LPCAT2: variants seen among roughly 807,000 people sequenced by gnomAD.
LPCAT2 encodes lysophosphatidylcholine acyltransferase 2.
Under a neutral mutation model 64.7 loss-of-function variants are expected in LPCAT2, and 58 were observed. That is an observed-to-expected ratio of 0.90 (90% confidence interval 0.73 to 1.12). The LOEUF is 1.12. Ranked by LOEUF, LPCAT2 falls within the 50% of genes most tolerant of loss-of-function variation. The pLI is 0.00. For synonymous variants in LPCAT2, 252 were observed against 245.3 expected, an observed-to-expected ratio of 1.03 and a Z score of -0.26; for missense variants, 579 against 669.8, an observed-to-expected ratio of 0.86 and a Z score of 1.50.
chr16:55,539,247 C>T (rs200412113), intron 8 of LPCAT2: 7 of 136,188 alleles, frequency 5.1e-5, no homozygotes, highest in Admixed American at 1.5e-4. Context: ...TCATGGCTTT[C>T]TTTTTTTTTT....
Position 55,525,540 on chromosome 16 carries a change from T to C in LPCAT2, c.204T>C (p.Ile68=). The C allele has an allele frequency of 6.2e-7, 1 of 1,610,588 alleles. No individual in the cohort carries two copies. Among genetic ancestry groups the C allele is most frequent in the Non-Finnish European group, 8.5e-7 (1 of 1,178,182 alleles). Residue 68 remains isoleucine (I), a synonymous_variant, in exon 2 of 14, where the codon ATT becomes ATC. Coordinates refer to ENST00000262134, the MANE Select transcript of LPCAT2 (RefSeq NM_017839.5). Reference sequence around the variant, plus strand: ...TTCTTGGGATTATCTTGCTTCCAATTCGTGTCTTATTGGTTGCGTTAATTT... The same window carrying C: ...TTCTTGGGATTATCTTGCTTCCAATCCGTGTCTTATTGGTTGCGTTAATTT... The part of the protein sequence containing the change: ...IVLLGIILLP[I]RVLLVALILL...
rs549060425 is a variant in LPCAT2, at chr16:55,570,573, G to A, written c.1216-4058G>A. ...CGCTTGAGCCCGGGGGGTCCAGCCT[G>A]AGTGACATAGGGAGACCCTGTCTTG... is the stretch of plus-strand genomic sequence containing the variant. On this transcript the variant is annotated intron_variant, in intron 11 of 13. Coordinates refer to ENST00000262134, the MANE Select transcript of LPCAT2 (RefSeq NM_017839.5). 1.2e-3 allele frequency among the ~76,000 whole-genome samples: 178 copies of A among 152,224 alleles called. 1 individual carries two copies. Among genetic ancestry groups the A allele is most frequent in the Non-Finnish European group, 2.8e-4 (19 of 68,000 alleles).
Position 55,509,073 on chromosome 16 carries a change from GAGGCT to G in LPCAT2, c.-108_-104del. 1.0e-6 allele frequency: 1 copy of G among 997,130 alleles called. No individual in the cohort carries two copies. Among genetic ancestry groups the G allele is most frequent in the Non-Finnish European group, 1.3e-6 (1 of 762,658 alleles). The allele number at this position is 997,130 out of a possible 1,614,324, so 61.8% of individuals were successfully genotyped here. On this transcript the variant is annotated 5_prime_UTR_variant, in exon 1 of 14. Transcript: ENST00000262134. ...TCTAAGTAACTTCAGCGCCTGCGCAGAGGCTCCCCAGCGTCGCCCTAGGCTGGGAC... is the reference window on the plus strand; with the variant it reads ...TCTAAGTAACTTCAGCGCCTGCGCAGCCCCAGCGTCGCCCTAGGCTGGGAC...
rs931009223 is a variant in LPCAT2, at chr16:55,529,964, G to A, written c.642+17G>A. ...TGGCCCCAGGTAAAACATGGTAGAT[G>A]TTAATTTAAATATAGTGGGAGTTTA... On this transcript the variant is annotated intron_variant, in intron 4 of 13. Transcript: ENST00000262134. 5.8e-6 allele frequency: 9 copies of A among 1,563,828 alleles called. No homozygotes were observed. Among genetic ancestry groups the A allele is most frequent in the African/African-American group, 4.1e-5 (3 of 73,976 alleles).
chr16:55,516,030 A>G (rs1467459319), intron 1 of LPCAT2, among the ~76,000 whole-genome samples: 1 of 152,222 alleles, frequency 6.6e-6, no homozygotes, highest in Non-Finnish European at 1.5e-5. Context: ...AAACTGATAA[A>G]ACAATTAAAA....
In LPCAT2 at chr16:55,551,070, G is replaced by A; in HGVS notation, c.1183G>A (p.Val395Ile). 6.2e-7 allele frequency: 1 copy of A among 1,612,532 alleles called. No individual in the cohort carries two copies. The highest frequency in any genetic ancestry group is 1.7e-5 in the Admixed American group (1 of 59,880). Reference protein sequence around the residue: ...AKYLKLPVSDVLRQLFALFDR... With the variant: ...AKYLKLPVSDILRQLFALFDR... ...GTATTTAAAGTTGCCTGTTTCAGAT[G>A]TCTTGAGACAACTTTTTGCACTCTT... Residue 395 changes from valine (V) to isoleucine (I), a missense_variant, in exon 11 of 14, where the codon GTC becomes ATC. By Grantham distance (29) the Val-to-Ile change is conservative (BLOSUM62 3). Coordinates refer to ENST00000262134, the MANE Select transcript of LPCAT2 (RefSeq NM_017839.5).
chr16:55,579,255 A>G lies in LPCAT2; in HGVS notation c.1450+11A>G. On this transcript the variant is annotated intron_variant, in intron 13 of 13. Transcript: ENST00000262134. The stretch of plus-strand genomic sequence containing the variant: ...ACTCAATTTCCTATGGTGAGTAGGC[A>G]ATCTGGCCTCCTGACTTAGTTTACA... 6.2e-7 allele frequency: 1 copy of G among 1,610,478 alleles called. No individual in the cohort carries two copies. Among genetic ancestry groups the G allele is most frequent in the African/African-American group, 1.3e-5 (1 of 74,874 alleles).
intron 8 of LPCAT2, 105 bp from the exon 9 acceptor site, chr16:55,545,630 G>C (rs1596869290): frequency 2.7e-6 from 2 of 733,576 alleles, no homozygotes; most frequent in Non-Finnish European, 4.6e-6. Flanking sequence ...CTATGTTCTA[G>C]AAAGGTAGAT....
At chr16:55,569,219 A>G (rs1005711834) in intron 11 of LPCAT2, among the ~76,000 whole-genome samples, 1 of 152,200 alleles carries the variant, frequency 6.6e-6, no homozygotes, top group Non-Finnish European at 1.5e-5. Flanking sequence ...CCATCATACA[A>G]TATTTATGAA....
At chr16:55,524,397 A>T (rs189756846) in intron 1 of LPCAT2, among the ~76,000 whole-genome samples, 2 of 152,110 alleles carry the variant, frequency 1.3e-5, no homozygotes, top group East Asian at 1.9e-4. Flanking sequence ...TCGTTGCCTA[A>T]GAACATAGGG....
chr16:55,565,296 G>C (rs752991616), intron 11 of LPCAT2, among the ~76,000 whole-genome samples: 18 of 151,972 alleles, frequency 1.2e-4, no homozygotes, highest in Admixed American at 1.3e-4. Flanking sequence ...AAAAGCGTAT[G>C]GTAGTTCCTT....
At chr16:55,517,807 A>G (rs1963035145) in intron 1 of LPCAT2, among the ~76,000 whole-genome samples, 1 of 152,204 alleles carries the variant, frequency 6.6e-6, no homozygotes, top group African/African-American at 2.4e-5. Context: ...ATGGAAAGGA[A>G]TTTCCTCAGC....
intron 2 of LPCAT2, among the ~76,000 whole-genome samples, chr16:55,527,764 C>G (rs574156615): frequency 6.6e-6 from 1 of 152,138 alleles, no homozygotes; most frequent in East Asian, 1.9e-4. Context: ...CATCTCTGTT[C>G]CAGGGAAGTG....
intron 12 of LPCAT2, among the ~76,000 whole-genome samples, chr16:55,575,659 C>G (rs1208776698): frequency 6.6e-6 from 1 of 152,132 alleles, no homozygotes; most frequent in Non-Finnish European, 1.5e-5. Context: ...AGGCTTTCCC[C>G]CCTCTATTAT....
At chr16:55,567,239 T>C in intron 11 of LPCAT2, 1 of 1,613,776 alleles carries the variant, frequency 6.2e-7, no homozygotes. Context: ...ATAAGCAGTA[T>C]GACAGGGACC....
intron 3 of LPCAT2, among the ~76,000 whole-genome samples, chr16:55,529,121 G>A (rs1273894106): frequency 6.6e-6 from 1 of 152,172 alleles, no homozygotes; most frequent in Admixed American, 6.6e-5. Context: ...AATGACGCAA[G>A]TGAAGTGTTT....
chr16:55,525,557 C>T lies in LPCAT2; in HGVS notation c.221C>T (p.Ala74Val), dbSNP rs371594522. The T allele has an allele frequency of 5.6e-6, 9 of 1,610,958 alleles. No individual in the cohort carries two copies. The highest frequency in any genetic ancestry group is 2.2e-5 in the East Asian group (1 of 44,682). Residue 74 changes from alanine to valine, a missense_variant, in exon 2 of 14, where the codon GCG (alanine) becomes GTG (valine). Ala to Val is a moderately conservative substitution (Grantham distance 64). Transcript: ENST00000262134. The part of the protein sequence containing the change: ...ILLPIRVLLV[A>V]LILLLAWPFA... ...CTTCCAATTCGTGTCTTATTGGTTG[C>T]GTTAATTTTATTACTTGCATGGCCA...
chr16:55,582,914 A>G lies in LPCAT2; in HGVS notation c.1451A>G (p.Glu484Gly). The change falls in exon 14 of 14, where the codon GAG becomes GGG. Residue 484 changes from glutamate to glycine, a missense_variant and splice_region_variant. Transcript: ENST00000262134. ...EIAQGDSISY[E>G]EFKSFALKHP... ...TGGATTTTTTTTCTTTCTCTTCTAG[A>G]GGAATTTAAAAGTTTTGCCTTAAAG... The G allele has an allele frequency of 6.2e-7, 1 of 1,601,190 alleles. No individual in the cohort carries two copies. The highest frequency in any genetic ancestry group is 8.5e-7 in the Non-Finnish European group (1 of 1,171,222).
At chr16:55,579,321 G>GT in intron 13 of LPCAT2, 77 bp downstream of exon 13, 1 of 1,376,854 alleles carries the variant, frequency 7.3e-7, no homozygotes, top group Non-Finnish European at 9.9e-7. Flanking sequence ...CAAGAGTACT[G>GT]TTTCTCTTAA....
Sources: gnomAD v4.1 joint callset for allele counts (sites outside exome capture counted in the v4.1 genomes callset) on GRCh38, gnomAD v4.1.1 for gene constraint, MANE v1.5 for transcripts, NCBI Gene and HGNC (gene_info 2026-07-23, HGNC 2026-07-21) for gene names.